The following ERC1 variants were observed in gnomAD, a reference collection of about 807,000 sequenced individuals.
The protein encoded by ERC1 is ELKS/RAB6-interacting/CAST family member 1, also known as RAB6 interacting protein 2.
A neutral mutation model predicts 132.0 loss-of-function variants in ERC1; 56 were observed. That is an observed-to-expected ratio of 0.42 (90% confidence interval 0.34 to 0.53). The LOEUF is 0.53. Ranked by LOEUF, ERC1 falls within the 20% of genes least tolerant of loss-of-function variation. The probability of loss-of-function intolerance (pLI) is 0.03; values close to 1 mark genes in which losing one functional copy is unlikely to be tolerated. For synonymous variants in ERC1, 478 were observed against 476.1 expected (o/e 1.00, Z -0.05); for missense variants, 1,202 against 1,349.9 (o/e 0.89, Z 1.72).
chr12:1,039,876 G>A (rs1181215662), intron 2 of ERC1, among the ~76,000 whole-genome samples: 2 of 152,144 alleles, frequency 1.3e-5, no homozygotes, highest in South Asian at 2.1e-4. Flanking sequence ...AGAGGGAGAA[G>A]CCATTAGAAG....
chr12:1,394,028 AAAAAACAAAAAAAAAACC>A (rs2090245588), intron 16 of ERC1, among the ~76,000 whole-genome samples: 1 of 119,510 alleles, frequency 8.4e-6, no homozygotes, highest in South Asian at 2.5e-4. Context: ...AAAAAAAAAA[AAAAAACAAAAAAAAAACC>A]ACAAAGCATT....
At chr12:1,059,975 TG>T (rs1973693579) in intron 2 of ERC1, among the ~76,000 whole-genome samples, 1 of 152,206 alleles carries the variant, frequency 6.6e-6, no homozygotes, top group African/African-American at 2.4e-5. Context: ...GGGTTTCCTT[TG>T]TTGAGAGACT....
intron 15 of ERC1, among the ~76,000 whole-genome samples, chr12:1,313,536 T>C (rs746681543): frequency 6.6e-6 from 1 of 152,078 alleles, no homozygotes; most frequent in East Asian, 1.9e-4. Context: ...ATAAGACCTT[T>C]AGAGGCACTA....
intron 8 of ERC1, among the ~76,000 whole-genome samples, chr12:1,160,331 G>A (rs1195784835): frequency 3.3e-5 from 5 of 152,110 alleles, no homozygotes; most frequent in Admixed American, 3.3e-4. Flanking sequence ...AGCTTTTTTT[G>A]TTGCCTGTAG....
At chr12:1,488,144 A>G (rs1349281698) in intron 18 of ERC1, among the ~76,000 whole-genome samples, 2 of 148,694 alleles carry the variant, frequency 1.3e-5, no homozygotes, top group African/African-American at 5.1e-5. Context: ...GTCTCAGAAA[A>G]AAAAAAAAAA....
chr12:992,046 A>G (rs1959558812), intron 1 of ERC1, among the ~76,000 whole-genome samples: 2 of 152,108 alleles, frequency 1.3e-5, no homozygotes, highest in East Asian at 1.9e-4. Context: ...GTGAGCGTGG[A>G]TGTATCTGAA....
chr12:1,407,767 A>G (rs1473411070), intron 16 of ERC1, among the ~76,000 whole-genome samples: 1 of 152,180 alleles, frequency 6.6e-6, no homozygotes, highest in Non-Finnish European at 1.5e-5. Context: ...AGGCTGCCTA[A>G]TTACTGGATC....
chr12:1,473,891 T>A (rs1380669828), intron 18 of ERC1, among the ~76,000 whole-genome samples: 5 of 152,076 alleles, frequency 3.3e-5, no homozygotes, highest in Admixed American at 6.5e-5. Context: ...GAAAAATAGA[T>A]CCCTGGGCAA....
intron 15 of ERC1, among the ~76,000 whole-genome samples, chr12:1,337,241 G>A (rs2083391874): frequency 6.6e-6 from 1 of 151,958 alleles, no homozygotes; most frequent in South Asian, 2.1e-4. Context: ...TGTGTCAGGT[G>A]CATATATATT....
chr12:1,394,037 A>AAC (rs1566757787), intron 16 of ERC1, among the ~76,000 whole-genome samples: 5 of 86,024 alleles, frequency 5.8e-5, no homozygotes, highest in African/African-American at 1.8e-4. Flanking sequence ...AAAAAAACAA[A>AAC]AAAAAAACCA....
intron 3 of ERC1, among the ~76,000 whole-genome samples, chr12:1,097,605 A>G (rs1347999291): frequency 2.6e-5 from 4 of 152,044 alleles, no homozygotes; most frequent in South Asian, 2.1e-4. Flanking sequence ...AGCTTGCCCT[A>G]TACATGCACA....
intron 16 of ERC1, among the ~76,000 whole-genome samples, chr12:1,372,392 G>T (rs1255906653): frequency 6.6e-6 from 1 of 152,088 alleles, no homozygotes; most frequent in Non-Finnish European, 1.5e-5. Flanking sequence ...AAGAACAAAG[G>T]TTGGCCCTTT....
Position 1,182,025 on chromosome 12 carries a change from A to G in ERC1, c.1976A>G (p.Glu659Gly), listed in dbSNP as rs1222838584. The G allele has an allele frequency of 2.5e-6, 4 of 1,613,866 alleles. No homozygotes were observed. Among genetic ancestry groups the G allele is most frequent in the African/African-American group, 1.3e-5 (1 of 74,914 alleles). The change falls in exon 10 of 19, where the codon GAA (glutamate) becomes GGA (glycine). Residue 659 changes from glutamate to glycine, a missense_variant. Transcript: ENST00000360905. The part of the protein sequence containing the change: ...NYKKDLKDLK[E>G]KVSLLQGDLS... The stretch of plus-strand genomic sequence containing the variant: ...AAAAAAGATCTTAAAGACTTGAAGG[A>G]AAAAGTCAGCCTGTTGCAAGGCGAC...
At chr12:1,400,474 AT>A (rs1194769603) in intron 16 of ERC1, among the ~76,000 whole-genome samples, 1 of 151,844 alleles carries the variant, frequency 6.6e-6, no homozygotes, top group African/African-American at 2.4e-5. Flanking sequence ...CTTTGGGTAT[AT>A]TATCCAAGAA....
chr12:1,201,643 G>C (rs955442406), intron 12 of ERC1, among the ~76,000 whole-genome samples: 1 of 152,190 alleles, frequency 6.6e-6, no homozygotes, highest in East Asian at 1.9e-4. Flanking sequence ...CTGTTGCATA[G>C]TGTAACCCGG....
chr12:1,427,275 T>C (rs1170392930), intron 17 of ERC1, among the ~76,000 whole-genome samples: 2 of 152,208 alleles, frequency 1.3e-5, no homozygotes, highest in South Asian at 4.1e-4. Context: ...CTTCTTTGTG[T>C]GAAACCTGGG....
chr12:1,441,485 A>G (rs2093153813), intron 17 of ERC1, among the ~76,000 whole-genome samples: 1 of 152,210 alleles, frequency 6.6e-6, no homozygotes, highest in Non-Finnish European at 1.5e-5. Flanking sequence ...GACCTTCTCA[A>G]TATGACCATT....
intron 1 of ERC1, among the ~76,000 whole-genome samples, chr12:1,021,338 C>T (rs1393257698): frequency 6.6e-6 from 1 of 152,086 alleles, no homozygotes; most frequent in Non-Finnish European, 1.5e-5. Flanking sequence ...ATTGTGTTTG[C>T]AGCGGGCCAC....
intron 18 of ERC1, among the ~76,000 whole-genome samples, chr12:1,489,534 G>T (rs1197079322): frequency 6.6e-6 from 1 of 152,224 alleles, no homozygotes; most frequent in Non-Finnish European, 1.5e-5. Context: ...ATGCTTGAAG[G>T]AATGTGAAAG....
Sources: allele counts gnomAD v4.1 joint callset (sites outside exome capture counted in the v4.1 genomes callset), GRCh38; gene constraint gnomAD v4.1.1; transcripts MANE v1.5; gene names NCBI Gene and HGNC (gene_info 2026-07-23, HGNC 2026-07-21).